Variants in ZNG1E observed in about 807,000 individuals in gnomAD.
The protein encoded by ZNG1E is Zn regulated GTPase metalloprotein activator 1E.
chr9:65,659,511 A>G, the ZNG1E span, among the ~76,000 whole-genome samples: 26 of 151,380 alleles, frequency 1.7e-4, no homozygotes, highest in Non-Finnish European at 3.1e-4. Context: ...AAAAAAAAAA[A>G]AAAGAGAGAG....
At chr9:65,704,676 G>A in the ZNG1E span, 1 of 729,580 alleles carries the variant, frequency 1.4e-6, no homozygotes, top group South Asian at 6.5e-5. Context: ...ACTTTGGGAG[G>A]CCAAGGTGGG....
the ZNG1E span, among the ~76,000 whole-genome samples, chr9:65,660,314 G>A: frequency 6.6e-5 from 8 of 121,862 alleles, no homozygotes; most frequent in Non-Finnish European, 1.3e-4. Flanking sequence ...AATATATATG[G>A]TATTATGCAA....
chr9:65,659,321 G>A, the ZNG1E span, among the ~76,000 whole-genome samples: 2 of 129,562 alleles, frequency 1.5e-5, no homozygotes, highest in East Asian at 2.1e-4. Flanking sequence ...ATGGTGAAAC[G>A]CTGTCTCTAC....
At chr9:65,672,405 G>A in the ZNG1E span, among the ~76,000 whole-genome samples, 4 of 151,780 alleles carry the variant, frequency 2.6e-5, no homozygotes, top group South Asian at 2.1e-4. Context: ...ATTTAAAAAG[G>A]CATTTTCAAT....
the ZNG1E span, among the ~76,000 whole-genome samples, chr9:65,663,476 T>C: frequency 6.7e-6 from 1 of 149,590 alleles, no homozygotes; most frequent in Admixed American, 6.7e-5. Flanking sequence ...TCTTAGAGGC[T>C]ATTCAAAATA....
the ZNG1E span, among the ~76,000 whole-genome samples, chr9:65,672,620 T>A: frequency 5.3e-5 from 8 of 151,694 alleles, no homozygotes; most frequent in African/African-American, 1.7e-4. Context: ...GGTGCATACC[T>A]GTAATCCCAG....
chr9:65,721,456 T>G, the ZNG1E span, among the ~76,000 whole-genome samples: 1 of 148,616 alleles, frequency 6.7e-6, no homozygotes, highest in Non-Finnish European at 1.5e-5. Context: ...TTTTTAACAT[T>G]TTATTATGGA....
the ZNG1E span, among the ~76,000 whole-genome samples, chr9:65,655,749 C>T: frequency 6.7e-6 from 1 of 148,566 alleles, no homozygotes; most frequent in South Asian, 2.1e-4. Context: ...GCGTGAGCCA[C>T]CGCACCTGGC....
chr9:65,664,245 G>A, the ZNG1E span, among the ~76,000 whole-genome samples: 3 of 151,684 alleles, frequency 2.0e-5, no homozygotes, highest in Non-Finnish European at 4.4e-5. Flanking sequence ...TAATCTAAAC[G>A]GGATTTTTTT....
the ZNG1E span, among the ~76,000 whole-genome samples, chr9:65,658,111 A>AT: frequency 7.4e-6 from 1 of 135,218 alleles, no homozygotes; most frequent in Non-Finnish European, 1.6e-5. Flanking sequence ...AAAAAAAAAA[A>AT]AAAAACTTAT....
At chr9:65,691,611 TG>T in the ZNG1E span, among the ~76,000 whole-genome samples, 1 of 152,266 alleles carries the variant, frequency 6.6e-6, no homozygotes, top group Non-Finnish European at 1.5e-5. Flanking sequence ...GTAGGTTTTC[TG>T]TATCCTCTGT....
chr9:65,687,703 A>G, the ZNG1E span, among the ~76,000 whole-genome samples: 1 of 150,360 alleles, frequency 6.7e-6, no homozygotes, highest in African/African-American at 2.4e-5. Flanking sequence ...GAACACTTTC[A>G]TTAGAACTTT....
chr9:65,726,063 C>A, the ZNG1E span, among the ~76,000 whole-genome samples: 3 of 100,214 alleles, frequency 3.0e-5, no homozygotes, highest in Non-Finnish European at 5.9e-5. Context: ...ACAGATGGTT[C>A]ACATCTCCCG....
chr9:65,659,615 T>G, the ZNG1E span, among the ~76,000 whole-genome samples: 1 of 152,110 alleles, frequency 6.6e-6, no homozygotes, highest in Non-Finnish European at 1.5e-5. Context: ...CCCTGTGGAC[T>G]TAGGCCAGAT....
chr9:65,703,912 G>A, the ZNG1E span: 1 of 939,318 alleles, frequency 1.1e-6, no homozygotes, highest in Non-Finnish European at 1.2e-6. Context: ...GGTAGCCGAA[G>A]AATGCCCTTT....
the ZNG1E span, among the ~76,000 whole-genome samples, chr9:65,715,496 G>A: frequency 6.8e-6 from 1 of 147,758 alleles, no homozygotes; most frequent in East Asian, 1.9e-4. Context: ...AGGGAGAGAA[G>A]AAAGATTAGT....
chr9:65,658,570 C>A, the ZNG1E span, among the ~76,000 whole-genome samples: 2 of 149,348 alleles, frequency 1.3e-5, no homozygotes, highest in African/African-American at 5.0e-5. Flanking sequence ...TTGTAAGAGA[C>A]TACTTGAGTG....
the ZNG1E span, among the ~76,000 whole-genome samples, chr9:65,656,551 C>T: frequency 0.03 from 4,079 of 136,896 alleles, no homozygotes; most frequent in Admixed American, 0.085. Context: ...GGTTATAAGT[C>T]TGTATAAGAA....
At chr9:65,714,108 A>G in the ZNG1E span, among the ~76,000 whole-genome samples, 1 of 148,984 alleles carries the variant, frequency 6.7e-6, no homozygotes, top group Non-Finnish European at 1.5e-5. Context: ...CATTCATTTC[A>G]TCTTCCATCG....
Sources: gnomAD v4.1 joint callset for allele counts (sites outside exome capture counted in the v4.1 genomes callset) on GRCh38, gnomAD v4.1.1 for gene constraint, MANE v1.5 for transcripts, NCBI Gene and HGNC (gene_info 2026-07-23, HGNC 2026-07-21) for gene names.